The following CTPS2 variants were observed in gnomAD, a reference collection of about 807,000 sequenced individuals.
The protein encoded by CTPS2 is CTP synthase 2.
Under a neutral mutation model 46.8 loss-of-function variants are expected in CTPS2, and 19 were observed. The ratio of observed to expected loss-of-function variants is 0.41; its 90% confidence interval spans 0.28 to 0.60. The LOEUF is 0.60. Among genes scored for constraint, CTPS2 ranks in the 20% least tolerant of loss-of-function variants. The pLI is 0.35. For synonymous variants in CTPS2, 151 were observed against 165.2 expected, an observed-to-expected ratio of 0.91 and a Z score of 0.66; for missense variants, 286 against 447.6, an observed-to-expected ratio of 0.64 and a Z score of 3.26.
intron 14 of CTPS2, among the ~76,000 whole-genome samples, chrX:16,637,703 C>T (rs1931826881): frequency 8.9e-6 from 1 of 111,809 alleles, no homozygotes; most frequent in Non-Finnish European, 1.9e-5. Flanking sequence ...TCTGAAGACA[C>T]CTGAAAGCTA....
chrX:16,668,618 GAGGGAAGGAAGGAAGA>G (rs199631113), intron 11 of CTPS2, among the ~76,000 whole-genome samples: 1,337 of 101,476 alleles, frequency 0.013, 25 homozygotes, highest in African/African-American at 0.045. Context: ...AGAGAGGAAG[GAGGGAAGGAAGGAAGA>G]AGGGAAGAAG....
intron 17 of CTPS2, among the ~76,000 whole-genome samples, chrX:16,599,357 C>G (rs779392176): frequency 1.8e-5 from 2 of 111,706 alleles, no homozygotes; most frequent in East Asian, 5.6e-4. Context: ...TTTTATGGTA[C>G]CATTTCTTGC....
chrX:16,589,131 C>T lies in CTPS2; in HGVS notation c.*686G>A, dbSNP rs1928763197. On this transcript the variant is annotated 3_prime_UTR_variant, in exon 19 of 19. Transcript: ENST00000359276. ...GTCTTGAGTCTCATCCCCAAGATAT[C>T]GCATGTATATGCAAATATTCCAAAA... 8.9e-6 allele frequency: 1 copy of T among 112,037 alleles called. No individual in the cohort carries two copies. The highest frequency in any genetic ancestry group is 1.9e-5 in the Non-Finnish European group (1 of 53,210). The allele number at this position is 112,037 out of a possible 1,213,427, so 9.2% of individuals were successfully genotyped here.
intron 9 of CTPS2, among the ~76,000 whole-genome samples, chrX:16,679,386 A>T (rs55979076): frequency 0.39 from 42,799 of 108,949 alleles, 6,200 homozygotes; most frequent in African/African-American, 0.43. Flanking sequence ...AATAAATAAA[A>T]AAAAAAGAAA....
chrX:16,650,492 A>C (rs1932551476), intron 13 of CTPS2, among the ~76,000 whole-genome samples: 1 of 108,731 alleles, frequency 9.2e-6, no homozygotes. Flanking sequence ...ACAGACATTT[A>C]ACATACTATC....
chrX:16,677,587 G>A (rs1922384951), intron 10 of CTPS2, among the ~76,000 whole-genome samples: 1 of 111,815 alleles, frequency 8.9e-6, no homozygotes, highest in African/African-American at 3.2e-5. Context: ...GTAGAATAAG[G>A]CTGAGACCTA....
At chrX:16,612,288 G>A (rs1930300888) in intron 16 of CTPS2, among the ~76,000 whole-genome samples, 1 of 111,829 alleles carries the variant, frequency 8.9e-6, no homozygotes, top group African/African-American at 3.2e-5. Context: ...GAGATTCGTG[G>A]ATATGTTTCC....
intron 11 of CTPS2, 113 bp from the exon 12 acceptor site, chrX:16,667,837 A>G: frequency 1.5e-6 from 1 of 653,459 alleles, no homozygotes; most frequent in East Asian, 3.4e-5. Flanking sequence ...ACTCCCAGAG[A>G]GCAAGACTCT....
intron 13 of CTPS2, among the ~76,000 whole-genome samples, chrX:16,641,130 T>A (rs760977495): frequency 1.8e-5 from 2 of 111,888 alleles, no homozygotes; most frequent in Non-Finnish European, 3.8e-5. Flanking sequence ...GAGTTGCACA[T>A]AGATGCCTGG....
At chrX:16,659,324 C>A (rs1932889418) in intron 13 of CTPS2, among the ~76,000 whole-genome samples, 1 of 111,332 alleles carries the variant, frequency 9.0e-6, no homozygotes, top group Non-Finnish European at 1.9e-5. Context: ...GGGACCAGGT[C>A]AGGGGAAGGA....
chrX:16,688,148 A>G (rs1353298256), intron 8 of CTPS2, among the ~76,000 whole-genome samples: 2 of 111,813 alleles, frequency 1.8e-5, no homozygotes, highest in Non-Finnish European at 3.8e-5. Context: ...CTGTAACCCC[A>G]GCACTTTGGG....
chrX:16,615,178 GA>G (rs772600805), intron 16 of CTPS2, among the ~76,000 whole-genome samples: 20 of 100,836 alleles, frequency 2.0e-4, no homozygotes, highest in East Asian at 9.2e-4. Context: ...TTCATCTCAA[GA>G]AAAAAAAAAA....
intron 13 of CTPS2, among the ~76,000 whole-genome samples, chrX:16,639,837 GA>G (rs1236050976): frequency 9.2e-6 from 1 of 108,604 alleles, no homozygotes; most frequent in African/African-American, 3.3e-5. Context: ...AAGAAGAAAA[GA>G]AAAGGAAAAG....
At chrX:16,678,055 T>A (rs754681064) in intron 10 of CTPS2, among the ~76,000 whole-genome samples, 1 of 112,018 alleles carries the variant, frequency 8.9e-6, no homozygotes, top group African/African-American at 3.2e-5. Context: ...TATGTAAGAT[T>A]CATCTCTGCA....
At chrX:16,685,937 G>C (rs1249153171) in intron 8 of CTPS2, among the ~76,000 whole-genome samples, 2 of 107,625 alleles carry the variant, frequency 1.9e-5, no homozygotes, top group East Asian at 5.9e-4. Flanking sequence ...CCTTGACTTC[G>C]GGTCCCAGGC....
chrX:16,663,480 ATG>A (rs1384315478), intron 13 of CTPS2, among the ~76,000 whole-genome samples: 4 of 111,617 alleles, frequency 3.6e-5, no homozygotes, highest in African/African-American at 1.3e-4. Context: ...ACATATTCAT[ATG>A]TGTGTGGCTA....
chrX:16,691,395 A>G, intron 7 of CTPS2, 145 bp downstream of exon 7: 2 of 489,028 alleles, frequency 4.1e-6, no homozygotes, highest in Non-Finnish European at 3.6e-6. Context: ...TATCTCACTT[A>G]AGGGCTAGGG....
intron 14 of CTPS2, among the ~76,000 whole-genome samples, chrX:16,622,877 C>T (rs1208439835): frequency 4.5e-5 from 5 of 111,507 alleles, no homozygotes; most frequent in African/African-American, 1.6e-4. Context: ...ATTATTTAAC[C>T]TCTCTACCTC....
intron 14 of CTPS2, among the ~76,000 whole-genome samples, chrX:16,633,084 GTTT>G (rs11287714): frequency 0.013 from 1,029 of 77,116 alleles, 10 homozygotes; most frequent in African/African-American, 0.052. Flanking sequence ...CTTTTCTTTT[GTTT>G]TTTTTTTTTT....
Sources: allele counts gnomAD v4.1 joint callset (sites outside exome capture counted in the v4.1 genomes callset), GRCh38; gene constraint gnomAD v4.1.1; transcripts MANE v1.5; gene names NCBI Gene and HGNC (gene_info 2026-07-23, HGNC 2026-07-21).